Variants in SEC14L5 observed in about 807,000 individuals in gnomAD.
The protein encoded by SEC14L5 is SEC14 like lipid binding 5, also known as SEC14-like protein 5.
SEC14L5 carries 96 observed loss-of-function variants against 84.6 expected under a neutral mutation model. That is an observed-to-expected ratio of 1.13 (90% CI 0.96 to 1.34). The LOEUF (loss-of-function observed/expected upper bound fraction) is 1.34. Ranked by LOEUF, SEC14L5 falls within the 40% of genes most tolerant of loss-of-function variation. The probability of loss-of-function intolerance (pLI) is 0.00; values close to 1 mark genes in which losing one functional copy is unlikely to be tolerated. For missense variants in SEC14L5, 1,224 were observed against 942.5 expected (o/e 1.30, Z -3.91); for synonymous variants, 546 against 383.4 (o/e 1.42, Z -4.95).
At chr16:5,014,773 C>A in intron 15 of SEC14L5, 86 bp from the exon 16 acceptor site, 1 of 1,000,034 alleles carries the variant, frequency 1.0e-6, no homozygotes, top group Non-Finnish European at 1.5e-6. Flanking sequence ...TGATTTGCAG[C>A]ATCAACAGCT....
intron 6 of SEC14L5, among the ~76,000 whole-genome samples, chr16:4,994,946 C>G (rs1240115625): frequency 2.0e-5 from 3 of 152,136 alleles, no homozygotes; most frequent in African/African-American, 7.2e-5. Context: ...GCTGGGAGCT[C>G]CGGCCTCTCT....
At chr16:4,968,990 A>G (rs1367502906) in intron 2 of SEC14L5, among the ~76,000 whole-genome samples, 2 of 152,242 alleles carry the variant, frequency 1.3e-5, no homozygotes, top group Non-Finnish European at 2.9e-5. Context: ...AAGCAGTTAC[A>G]GTTGGATTCG....
rs202051170 is a variant in SEC14L5 at position 5,014,998 on chromosome 16, C to T, written c.*28C>T. ...GGGCCCAGTGTTTCAGGGCCGCCCG[C>T]TCGCCTCCAGTGTCCAGAAATGTCC... On this transcript the variant is annotated 3_prime_UTR_variant, in exon 16 of 16. Transcript: ENST00000251170. 3.6e-5 allele frequency: 56 copies of T among 1,540,142 alleles called. No homozygotes were observed. In the East Asian group the frequency reaches 1.2e-3, roughly 33 times the overall value.
chr16:4,984,438 G>A lies in SEC14L5; in HGVS notation c.64-3119G>A, dbSNP rs566535925. 2.1e-3 allele frequency among the ~76,000 whole-genome samples: 320 copies of A among 152,228 alleles called. 2 individuals carry two copies. Among genetic ancestry groups the A allele is most frequent in the African/African-American group, 6.8e-3 (281 of 41,524 alleles). On this transcript the variant is annotated intron_variant, in intron 2 of 15. Coordinates refer to ENST00000251170, the MANE Select transcript of SEC14L5 (RefSeq NM_014692.2). ...CCACCACTGATTTATTCCCTCATCC[G>A]TTGATGGACATTTGGGTTATTTCCA...
At chr16:4,967,327 C>T (rs897898359) in intron 2 of SEC14L5, among the ~76,000 whole-genome samples, 9 of 152,104 alleles carry the variant, frequency 5.9e-5, no homozygotes, top group East Asian at 3.9e-4. Flanking sequence ...TTTATAAGGA[C>T]ACCAGTCATA....
chr16:4,958,801 G>GGC (rs1955084638), intron 1 of SEC14L5, among the ~76,000 whole-genome samples: 2 of 152,152 alleles, frequency 1.3e-5, no homozygotes, highest in Non-Finnish European at 2.9e-5. Context: ...GATAGAGACA[G>GGC]TGCCTGTGAA....
chr16:5,007,571 G>T, intron 13 of SEC14L5, 85 bp downstream of exon 13: 1 of 1,025,192 alleles, frequency 9.8e-7, no homozygotes, highest in Non-Finnish European at 1.4e-6. Flanking sequence ...AGCTTGAGAT[G>T]AGGATTCTTT....
rs1402302634 is a variant in SEC14L5 at position 5,015,758 on chromosome 16, T to G, written c.*788T>G. 1 of 152,262 alleles carries G rather than the reference T, an allele frequency of 6.6e-6. No homozygotes were observed. Among genetic ancestry groups the G allele is most frequent in the East Asian group, 1.9e-4 (1 of 5,196 alleles). 9.4% of individuals were successfully genotyped at this position (152,262 alleles called of 1,614,324 possible). A position where few individuals can be genotyped will look rare whatever the true frequency, so the allele number is the denominator to read the frequency against. On this transcript the variant is annotated 3_prime_UTR_variant, in exon 16 of 16. Transcript: ENST00000251170. ...CTGTTATGCAGTATCAAGATGTGCTTGGTGAGCAGTTAAGTGAGTTACAGG... is the reference window on the plus strand; with the variant it reads ...CTGTTATGCAGTATCAAGATGTGCTGGGTGAGCAGTTAAGTGAGTTACAGG...
chr16:5,007,537 T>G, intron 13 of SEC14L5, 51 bp downstream of exon 13: 1 of 1,561,004 alleles, frequency 6.4e-7, no homozygotes, highest in Non-Finnish European at 8.8e-7. Flanking sequence ...GTCTGTCGTC[T>G]TAGGTCAGGT....
At chr16:5,010,169 T>C (rs12927450) in intron 14 of SEC14L5, among the ~76,000 whole-genome samples, 102,516 of 135,182 alleles carry the variant, frequency 0.76, 39,013 homozygotes, top group African/African-American at 0.9. Flanking sequence ...ATGGTGAAAC[T>C]CCGTCTCTAC....
At chr16:4,991,019 A>C in intron 5 of SEC14L5, 124 bp downstream of exon 5, 1 of 701,768 alleles carries the variant, frequency 1.4e-6, no homozygotes, top group Non-Finnish European at 2.2e-6. Context: ...TTAAATGGGT[A>C]CTCTAGTAAT....
In SEC14L5 at chr16:4,990,792, C is replaced by T; in HGVS notation, c.371C>T (p.Thr124Ile). 6.2e-7 allele frequency: 1 copy of T among 1,611,100 alleles called. No homozygotes were observed. The highest frequency in any genetic ancestry group is 8.5e-7 in the Non-Finnish European group (1 of 1,178,530). The change falls in exon 5 of 16, where the codon ACT becomes ATT. Residue 124 changes from threonine (T) to isoleucine (I), a missense_variant. Physicochemically the swap from Thr to Ile is moderately conservative, Grantham distance 89. Transcript: ENST00000251170. Reference protein sequence around the residue: ...YTVHPENEDWTCFEQSASLDI... With the variant: ...YTVHPENEDWICFEQSASLDI... ...GTCCACCCTGAGAATGAAGACTGGACTTGCTTCGAGCAGTCTGCCTCACTG... is the reference window on the plus strand; with the variant it reads ...GTCCACCCTGAGAATGAAGACTGGATTTGCTTCGAGCAGTCTGCCTCACTG...
chr16:4,964,142 G>A (rs187167883), intron 2 of SEC14L5, among the ~76,000 whole-genome samples: 1 of 152,366 alleles, frequency 6.6e-6, no homozygotes, highest in East Asian at 1.9e-4. Flanking sequence ...CCGGGTCCCA[G>A]AAGGTGTGTG....
At chr16:4,958,866 C>T (rs1471403926) in intron 1 of SEC14L5, among the ~76,000 whole-genome samples, 1 of 151,884 alleles carries the variant, frequency 6.6e-6, no homozygotes, top group Admixed American at 6.6e-5. Flanking sequence ...AATGGGAGGG[C>T]AGGTGCAAGG....
intron 2 of SEC14L5, among the ~76,000 whole-genome samples, chr16:4,982,254 G>A (rs1955433038): frequency 6.6e-6 from 1 of 152,168 alleles, no homozygotes; most frequent in African/African-American, 2.4e-5. Context: ...GGAGGGAAGG[G>A]GGAGGAGGTG....
chr16:5,003,624 G>GGGGGGGCCCCCC, intron 11 of SEC14L5, 51 bp downstream of exon 11: 1 of 305,312 alleles, frequency 3.3e-6, no homozygotes. Flanking sequence ...GGTGGGATGG[G>GGGGGGGCCCCCC]AGGGGTTCCG....
intron 2 of SEC14L5, among the ~76,000 whole-genome samples, chr16:4,982,510 C>G (rs1308602071): frequency 6.6e-6 from 1 of 152,262 alleles, no homozygotes; most frequent in Middle Eastern, 3.4e-3. Context: ...CAGCTCTACA[C>G]CCCCGCCTGG....
chr16:4,994,399 A>G (rs1419004628), intron 6 of SEC14L5, among the ~76,000 whole-genome samples: 1 of 151,916 alleles, frequency 6.6e-6, no homozygotes, highest in Non-Finnish European at 1.5e-5. Context: ...GCTGGAGTGC[A>G]GTGGTGTGAT....
intron 10 of SEC14L5, 64 bp from the exon 11 acceptor site, chr16:5,003,338 G>C (rs1955696563): frequency 7.7e-7 from 1 of 1,293,982 alleles, no homozygotes; most frequent in Non-Finnish European, 1.1e-6. Context: ...TCCCCTGTGG[G>C]GAGGGTGTTG....
Sources: allele counts gnomAD v4.1 joint callset (sites outside exome capture counted in the v4.1 genomes callset), GRCh38; gene constraint gnomAD v4.1.1; transcripts MANE v1.5; gene names NCBI Gene and HGNC (gene_info 2026-07-23, HGNC 2026-07-21).